The following LRRC4C variants were observed in gnomAD, a reference collection of about 807,000 sequenced individuals.
The protein encoded by LRRC4C is leucine-rich repeat-containing protein 4C.
In LRRC4C, 5 loss-of-function variants were observed where a neutral mutation model predicts 33.6. The observed-to-expected ratio is 0.15, with a 90% CI of 0.08 to 0.31. The LOEUF (loss-of-function observed/expected upper bound fraction) is 0.31, where lower values mean the gene tolerates loss of function less well. Among genes scored for constraint, LRRC4C ranks in the 10% least tolerant of loss-of-function variants. The pLI, the probability that LRRC4C is intolerant of heterozygous loss-of-function variation, is 1.00. For missense variants in LRRC4C, 560 were observed against 796.7 expected (o/e 0.70, Z 3.58); for synonymous variants, 329 against 302.0 (o/e 1.09, Z -0.93).
chr11:40,562,118 T>C (rs1957573112), intron 3 of LRRC4C, among the ~76,000 whole-genome samples: 1 of 152,212 alleles, frequency 6.6e-6, no homozygotes. Context: ...ACCGTGAAGA[T>C]TTCAGTCTAA....
chr11:41,401,365 G>T (rs1033199598), intron 1 of LRRC4C, among the ~76,000 whole-genome samples: 2 of 151,750 alleles, frequency 1.3e-5, no homozygotes, highest in African/African-American at 4.8e-5. Flanking sequence ...TCTATTGGAT[G>T]GTTGTTTTGA....
At chr11:40,305,698 A>C (rs1056472581) in intron 4 of LRRC4C, among the ~76,000 whole-genome samples, 1 of 152,038 alleles carries the variant, frequency 6.6e-6, no homozygotes, top group Admixed American at 6.6e-5. Context: ...TAAGCCCAAC[A>C]CCAGAAGTTT....
chr11:41,422,866 C>T (rs776486872), intron 1 of LRRC4C, among the ~76,000 whole-genome samples: 5 of 151,932 alleles, frequency 3.3e-5, no homozygotes, highest in Non-Finnish European at 5.9e-5. Context: ...TCAGCAGAGA[C>T]GCACTGAATT....
chr11:41,361,844 C>T (rs1189514579), intron 1 of LRRC4C, among the ~76,000 whole-genome samples: 1 of 152,056 alleles, frequency 6.6e-6, no homozygotes, highest in African/African-American at 2.4e-5. Flanking sequence ...TCCCTTTGTT[C>T]TGGTCTATAT....
At chr11:41,183,557 G>C (rs1945550652) in intron 1 of LRRC4C, among the ~76,000 whole-genome samples, 1 of 152,170 alleles carries the variant, frequency 6.6e-6, no homozygotes, top group Non-Finnish European at 1.5e-5. Flanking sequence ...TGGGTTCCCA[G>C]GGTCTTGGGA....
intron 1 of LRRC4C, among the ~76,000 whole-genome samples, chr11:41,383,158 A>T (rs1953222680): frequency 6.6e-6 from 1 of 152,068 alleles, no homozygotes; most frequent in African/African-American, 2.4e-5. Context: ...ATCAGAAAAG[A>T]ATGTTGGCAA....
At chr11:40,734,036 A>G (rs1947735411) in intron 2 of LRRC4C, among the ~76,000 whole-genome samples, 1 of 152,214 alleles carries the variant, frequency 6.6e-6, no homozygotes, top group South Asian at 2.1e-4. Context: ...CATTATTAGA[A>G]CAGCAATTAT....
intron 2 of LRRC4C, among the ~76,000 whole-genome samples, chr11:40,873,176 A>G (rs888265996): frequency 2.0e-5 from 3 of 152,164 alleles, no homozygotes; most frequent in African/African-American, 7.2e-5. Context: ...CCAAATAAGC[A>G]TCAGTTTCTA....
intron 3 of LRRC4C, among the ~76,000 whole-genome samples, chr11:40,580,380 C>T (rs757642306): frequency 1.3e-5 from 2 of 151,960 alleles, no homozygotes; most frequent in Admixed American, 6.6e-5. Flanking sequence ...TAACAGCATG[C>T]GGGAAACTGT....
intron 1 of LRRC4C, among the ~76,000 whole-genome samples, chr11:41,353,442 T>C (rs1239395567): frequency 1.3e-5 from 2 of 152,058 alleles, no homozygotes; most frequent in African/African-American, 4.8e-5. Context: ...CTACCAGATG[T>C]ATAAAGGGGA....
At chr11:40,728,024 C>T (rs139053908) in intron 2 of LRRC4C, among the ~76,000 whole-genome samples, 1 of 151,490 alleles carries the variant, frequency 6.6e-6, no homozygotes, top group East Asian at 1.9e-4. Flanking sequence ...GCCTGGGTGA[C>T]AGAGTGAGAC....
chr11:40,453,630 A>G (rs1256434514), intron 3 of LRRC4C, among the ~76,000 whole-genome samples: 1 of 151,956 alleles, frequency 6.6e-6, no homozygotes, highest in Admixed American at 6.6e-5. Context: ...AAAAAAAACA[A>G]CTACGGACCA....
chr11:41,348,001 T>A (rs1417533084), intron 1 of LRRC4C, among the ~76,000 whole-genome samples: 1 of 152,180 alleles, frequency 6.6e-6, no homozygotes, highest in Admixed American at 6.5e-5. Context: ...CATCTATCAT[T>A]CTGTTGATCA....
intron 1 of LRRC4C, among the ~76,000 whole-genome samples, chr11:41,427,484 A>T (rs1227198518): frequency 6.6e-6 from 1 of 152,192 alleles, no homozygotes; most frequent in Non-Finnish European, 1.5e-5. Flanking sequence ...ATAGAGCATG[A>T]CTAATTTTCT....
chr11:41,345,942 G>C (rs56122928), intron 1 of LRRC4C, among the ~76,000 whole-genome samples: 5,523 of 151,054 alleles, frequency 0.037, 124 homozygotes, highest in Non-Finnish European at 0.055. Context: ...TGAGCTTAAG[G>C]TCACTCTGAT....
chr11:40,359,729 A>G (rs1947860123), intron 3 of LRRC4C, among the ~76,000 whole-genome samples: 1 of 152,190 alleles, frequency 6.6e-6, no homozygotes, highest in African/African-American at 2.4e-5. Flanking sequence ...TAAAAGCTGT[A>G]AACAGTCAGA....
At position 40,410,114 on chromosome 11, in the gene LRRC4C, G is replaced by C. The variant is rs1268463303; in HGVS notation, c.-269-90393C>G. ...ACTACAACGACAGAGTTGAGTAGTT[G>C]TTATAGAGACATCTAGCTCTTTACA... On this transcript the variant is annotated intron_variant, in intron 3 of 6. Coordinates refer to ENST00000528697, the MANE Select transcript of LRRC4C (RefSeq NM_001258419.2). Among the ~76,000 whole-genome samples, 6 of 151,876 alleles carry C rather than the reference G, an allele frequency of 4.0e-5. No individual in the cohort carries two copies. The East Asian group carries it at 9.7e-4, about 24-fold the overall frequency.
chr11:40,863,753 A>C (rs1954216606), intron 2 of LRRC4C, among the ~76,000 whole-genome samples: 1 of 152,194 alleles, frequency 6.6e-6, no homozygotes, highest in Non-Finnish European at 1.5e-5. Context: ...CTATTCATTA[A>C]ATTTATGGTT....
chr11:40,928,575 C>A (rs1447718037), intron 2 of LRRC4C, among the ~76,000 whole-genome samples: 1 of 151,884 alleles, frequency 6.6e-6, no homozygotes, highest in Non-Finnish European at 1.5e-5. Flanking sequence ...TACTCTGTGG[C>A]CAGCAGCCTT....
Sources: gnomAD v4.1 joint callset for allele counts (sites outside exome capture counted in the v4.1 genomes callset) on GRCh38, gnomAD v4.1.1 for gene constraint, MANE v1.5 for transcripts, NCBI Gene and HGNC (gene_info 2026-07-23, HGNC 2026-07-21) for gene names.